Variants in NFKBID observed in about 807,000 individuals in gnomAD.
NFKBID encodes NFKB inhibitor delta, also known as NF-kappa-B inhibitor delta.
Under a neutral mutation model 53.4 loss-of-function variants are expected in NFKBID, and 26 were observed. That is an observed-to-expected ratio of 0.49 (90% confidence interval 0.36 to 0.68). The LOEUF is 0.68. NFKBID is among the 30% of genes least tolerant of loss of function. NFKBID has a pLI of 0.00. For synonymous variants in NFKBID, 262 were observed against 259.8 expected (o/e 1.01, Z -0.08); for missense variants, 493 against 614.1 (o/e 0.80, Z 2.08).
At chr19:35,893,384 C>T (rs1599607788) in intron 9 of NFKBID, among the ~76,000 whole-genome samples, 1 of 152,270 alleles carries the variant, frequency 6.6e-6, no homozygotes, top group East Asian at 1.9e-4. Context: ...CTAATAATGC[C>T]TTATCTTGTC....
At chr19:35,889,495 T>A (rs192054214) in intron 11 of NFKBID, among the ~76,000 whole-genome samples, 179 of 151,658 alleles carry the variant, frequency 1.2e-3, no homozygotes, top group African/African-American at 3.5e-3. Context: ...GGTTCCCACC[T>A]GGGGGTGAGG....
Position 35,896,038 on chromosome 19 carries a change from C to T in NFKBID, c.974G>A (p.Arg325Gln), listed in dbSNP as rs1055995203. Reference sequence around the variant, plus strand: ...CATGTGGACACAATCCAGCCTGTCTCGGGCCTGTGTGCTCAGCACCCGGGG... The same window carrying T: ...CATGTGGACACAATCCAGCCTGTCTTGGGCCTGTGTGCTCAGCACCCGGGG... The change falls in exon 9 of 12, where the codon CGA becomes CAA. Residue 325 changes from arginine (R) to glutamine (Q), a missense_variant. This residue lies in a region of NFKBID where 267 missense variants were observed against 384.6 expected (regional missense o/e 0.69). Transcript: ENST00000641389. This position sits in a 1 kb window ranked among gnomAD's most constrained non-coding sequence, Gnocchi z 5.7. The T allele has an allele frequency of 2.5e-6, 4 of 1,614,214 alleles. No homozygotes were observed. Among genetic ancestry groups the T allele is most frequent in the South Asian group, 2.2e-5 (2 of 91,090 alleles).
In NFKBID at chr19:35,896,407, G is replaced by A; in HGVS notation, c.816C>T (p.Leu272=). 2 of 1,614,188 alleles carry A rather than the reference G, an allele frequency of 1.2e-6. No individual in the cohort carries two copies. Among genetic ancestry groups the A allele is most frequent in the East Asian group, 2.2e-5 (1 of 44,874 alleles). The change falls in exon 7 of 12, where the codon CTC becomes CTT. Residue 272 remains leucine (L), a synonymous_variant. Coordinates refer to ENST00000641389, the Ensembl canonical transcript of NFKBID. This position sits in a 1 kb window ranked among gnomAD's most constrained non-coding sequence, Gnocchi z 5.7. ...CTGGCCATACCAAGAGAACTCCTGG[G>A]AGCCCGTAGGTAGCGGCCACGTGCA... is the stretch of plus-strand genomic sequence containing the variant.
At chr19:35,890,262 G>A in intron 10 of NFKBID, 112 bp downstream of exon 10, 1 of 879,714 alleles carries the variant, frequency 1.1e-6, no homozygotes. Flanking sequence ...ACTTTCCCCT[G>A]CAGATCCCAC....
At chr19:35,894,836 A>C (rs556773458) in intron 9 of NFKBID, among the ~76,000 whole-genome samples, 2 of 151,892 alleles carry the variant, frequency 1.3e-5, no homozygotes, top group South Asian at 4.2e-4. Context: ...TCTACTAAAA[A>C]TACAAAATTA....
chr19:35,895,032 G>A (rs1015091394), intron 9 of NFKBID, among the ~76,000 whole-genome samples: 1 of 152,000 alleles, frequency 6.6e-6, no homozygotes, highest in African/African-American at 2.4e-5. Context: ...TCCCATGCCT[G>A]TTTCCTTTTC....
chr19:35,889,819 TG>T, intron 11 of NFKBID, 70 bp downstream of exon 11: 1 of 1,440,220 alleles, frequency 6.9e-7, no homozygotes. Flanking sequence ...GAGCATTGGG[TG>T]GGGCAGGGAG....
At chr19:35,897,896 A>C in intron 3 of NFKBID, 40 bp from the exon 4 acceptor site, 1 of 1,403,362 alleles carries the variant, frequency 7.1e-7, no homozygotes, top group Non-Finnish European at 9.7e-7. Context: ...TCTGGTTACC[A>C]GAGTTGGGGA....
At chr19:35,893,973 G>C (rs373862785) in intron 9 of NFKBID, among the ~76,000 whole-genome samples, 1 of 151,752 alleles carries the variant, frequency 6.6e-6, no homozygotes, top group Non-Finnish European at 1.5e-5. Context: ...AACATTTTTC[G>C]GCTGGGCGCA....
chr19:35,900,533 G>C, exon 1 of NFKBID: 3 of 1,231,734 alleles, frequency 2.4e-6, no homozygotes, highest in Non-Finnish European at 2.0e-6. Flanking sequence ...AGCCGCCGCC[G>C]GGTCCCCGAT....
intron 1 of NFKBID, among the ~76,000 whole-genome samples, chr19:35,899,040 T>C (rs1568496741): frequency 6.6e-6 from 1 of 152,156 alleles, no homozygotes; most frequent in Non-Finnish European, 1.5e-5. Context: ...ACTTTCCCTC[T>C]GACCCAACTT....
intron 11 of NFKBID, among the ~76,000 whole-genome samples, chr19:35,889,470 G>T (rs1974600655): frequency 6.6e-6 from 1 of 152,138 alleles, no homozygotes; most frequent in Admixed American, 6.6e-5. Flanking sequence ...GAAGGGAAAG[G>T]GGCTGCTGGC....
chr19:35,891,828 T>C (rs1308967667), intron 9 of NFKBID, among the ~76,000 whole-genome samples: 1 of 151,740 alleles, frequency 6.6e-6, no homozygotes, highest in Non-Finnish European at 1.5e-5. Context: ...AATCACACCA[T>C]TGCAATCCAG....
At position 35,896,900 on chromosome 19, in the gene NFKBID, C is replaced by A. The variant is rs1462243560; in HGVS notation, c.578+13G>T. On this transcript the variant is annotated intron_variant, in intron 5 of 11. Coordinates refer to ENST00000641389, the Ensembl canonical transcript of NFKBID. This position sits in a 1 kb window ranked among gnomAD's most constrained non-coding sequence, Gnocchi z 5.7. ...GCCAAGAGTCTGCAGACAACCCTAT[C>A]CCTTATACTCACGTGTCCCCCTCCT... 1 of 1,610,924 alleles carries A rather than the reference C, an allele frequency of 6.2e-7. No homozygotes were observed. Among genetic ancestry groups the A allele is most frequent in the African/African-American group, 1.3e-5 (1 of 74,814 alleles).
intron 9 of NFKBID, among the ~76,000 whole-genome samples, chr19:35,892,227 T>C (rs1393729085): frequency 1.4e-5 from 2 of 141,974 alleles, no homozygotes; most frequent in Non-Finnish European, 2.9e-5. Context: ...AATTTTTGTA[T>C]TTTTTTTAGA....
chr19:35,897,638 C>T lies in NFKBID; in HGVS notation c.432+13G>A, dbSNP rs1445134218. The T allele has an allele frequency of 2.1e-6, 3 of 1,409,876 alleles. No homozygotes were observed. Among genetic ancestry groups the T allele is most frequent in the Admixed American group, 1.7e-5 (1 of 59,730 alleles). 87.3% of individuals were successfully genotyped at this position (1,409,876 alleles called of 1,614,324 possible). A position where few individuals can be genotyped will look rare whatever the true frequency, so the allele number is the denominator to read the frequency against. ...GGGGCCCTTCAGCATCCTGTACCCA[C>T]TCTGTATCTCACCTCCATGCCCTGG... On this transcript the variant is annotated intron_variant, in intron 4 of 11. Transcript: ENST00000641389.
chr19:35,892,395 C>A (rs944483781), intron 9 of NFKBID, among the ~76,000 whole-genome samples: 1 of 151,730 alleles, frequency 6.6e-6, no homozygotes, highest in African/African-American at 2.4e-5. Context: ...ACTAAAAATA[C>A]AAAAATTAGT....
At chr19:35,888,511 G>A (rs372099760) in exon 12 of NFKBID, 136 of 1,377,804 alleles carry the variant, frequency 9.9e-5, no homozygotes, top group Non-Finnish European at 1.3e-4. Flanking sequence ...TGGCTGTCCC[G>A]CAGGACGGTG....
At position 35,896,738 on chromosome 19, in the gene NFKBID, C is replaced by T; in HGVS notation, c.672G>A (p.Glu224=). 15 of 1,613,762 alleles carry T rather than the reference C, an allele frequency of 9.3e-6. No individual in the cohort carries two copies. The highest frequency in any genetic ancestry group is 1.3e-5 in the Non-Finnish European group (15 of 1,179,790). The stretch of plus-strand genomic sequence containing the variant: ...CCCCAAGCCTCACCTTGCCCTTATG[C>T]TCACGAATGTCAAGACGCCGGTACA... The change falls in exon 6 of 12, where the codon GAG becomes GAA. Residue 224 remains glutamate (E), a synonymous_variant. Coordinates refer to ENST00000641389, the Ensembl canonical transcript of NFKBID. This position sits in a 1 kb window ranked among gnomAD's most constrained non-coding sequence, Gnocchi z 5.7.
Sources: allele counts gnomAD v4.1 joint callset (sites outside exome capture counted in the v4.1 genomes callset), GRCh38; gene constraint gnomAD v4.1.1; regional missense constraint gnomAD v4.1.1; non-coding constraint Gnocchi (gnomAD v3.1); transcripts MANE v1.5; gene names NCBI Gene and HGNC (gene_info 2026-07-23, HGNC 2026-07-21).